The following DNAI1 variants were observed in gnomAD, a reference collection of about 807,000 sequenced individuals.
DNAI1 encodes dynein, axonemal, intermediate polypeptide 1.
A neutral mutation model predicts 92.0 loss-of-function variants in DNAI1; 67 were observed. That is an observed-to-expected ratio of 0.73 (90% CI 0.60 to 0.89). DNAI1 has a LOEUF of 0.89. DNAI1 is among the 40% of genes least tolerant of loss of function. The pLI is 0.00. For synonymous variants in DNAI1, 323 were observed against 319.6 expected (o/e 1.01, Z -0.11); for missense variants, 839 against 866.6 (o/e 0.97, Z 0.40).
intron 1 of DNAI1, among the ~76,000 whole-genome samples, chr9:34,480,147 A>G (rs1824321932): frequency 6.6e-6 from 1 of 152,124 alleles, no homozygotes; most frequent in Non-Finnish European, 1.5e-5. Flanking sequence ...CCTGCAGTGC[A>G]CTAGGCCTGC....
chr9:34,477,980 G>A (rs191518682), intron 1 of DNAI1, among the ~76,000 whole-genome samples: 213 of 139,486 alleles, frequency 1.5e-3, no homozygotes, highest in Non-Finnish European at 2.3e-3. Flanking sequence ...TCTGCCTCCC[G>A]GGTTCAAGTG....
intron 1 of DNAI1, among the ~76,000 whole-genome samples, chr9:34,466,198 T>C (rs1824035542): frequency 6.6e-6 from 1 of 152,228 alleles, no homozygotes; most frequent in Non-Finnish European, 1.5e-5. Flanking sequence ...TTTTCTTTCT[T>C]GGCCTGCAGA....
Position 34,493,179 on chromosome 9 carries a change from C to G in DNAI1, c.682-15C>G, listed in dbSNP as rs199865010. 41 of 1,614,180 alleles carry G rather than the reference C, an allele frequency of 2.5e-5. 1 individual carries two copies. In the African/African-American group the frequency reaches 3.7e-4, roughly 15 times the overall value. On this transcript the variant is annotated splice_polypyrimidine_tract_variant and intron_variant, in intron 8 of 19. Transcript: ENST00000242317. ...TGCACCTTACAATGATCCTTCTTAT[C>G]TCACCCTTGCCTAGTGGGAGATCTA...
At position 34,492,493 on chromosome 9, in the gene DNAI1, G is replaced by GAGAGAGATATAT. The variant is rs1271867592; in HGVS notation, c.682-700_682-699insGAGAGATATATA. Reference sequence around the variant, plus strand: ...TCCGGGGTGGGGGTGGGGATATGAAGATATATATATATATATATATATATA... The same window carrying GAGAGAGATATAT: ...TCCGGGGTGGGGGTGGGGATATGAAGAGAGAGATATATATATATATATATATATATATATATA... On this transcript the variant is annotated intron_variant, in intron 8 of 19. Transcript: ENST00000242317. Among the ~76,000 whole-genome samples, 4 of 68,258 alleles carry GAGAGAGATATAT rather than the reference G, an allele frequency of 5.9e-5. No individual in the cohort carries two copies. In the East Asian group the frequency reaches 1.3e-3, roughly 22 times the overall value. 44.8% of individuals were successfully genotyped at this position (68,258 alleles called of 152,430 possible). A position where few individuals can be genotyped will look rare whatever the true frequency, so the allele number is the denominator to read the frequency against.
At chr9:34,478,569 C>T (rs1460406978) in intron 1 of DNAI1, 1 of 152,240 alleles carries the variant, frequency 6.6e-6, no homozygotes, top group Non-Finnish European at 1.5e-5. Context: ...AGACTCAGTT[C>T]CTGCTCTCAC....
intron 12 of DNAI1, among the ~76,000 whole-genome samples, chr9:34,502,984 T>C (rs1048103103): frequency 6.6e-6 from 1 of 152,140 alleles, no homozygotes; most frequent in African/African-American, 2.4e-5. Flanking sequence ...CGGACAATCA[T>C]TGCTGATTTG....
intron 15 of DNAI1, 45 bp downstream of exon 15, chr9:34,512,469 C>T: frequency 1.9e-6 from 3 of 1,574,050 alleles, no homozygotes; most frequent in Non-Finnish European, 2.6e-6. Flanking sequence ...CCAGGTCATT[C>T]AGGCCCAGTG....
intron 6 of DNAI1, 81 bp downstream of exon 6, chr9:34,490,205 A>T: frequency 1.2e-6 from 2 of 1,612,246 alleles, no homozygotes; most frequent in Non-Finnish European, 8.5e-7. Flanking sequence ...TTGGGAAAGG[A>T]GGAGGGAGAC....
intron 1 of DNAI1, among the ~76,000 whole-genome samples, chr9:34,480,821 C>A (rs1564029923): frequency 6.6e-6 from 1 of 152,172 alleles, no homozygotes; most frequent in Non-Finnish European, 1.5e-5. Context: ...TGGCTCACGC[C>A]TGTAATCCCA....
chr9:34,490,076 G>A lies in DNAI1; in HGVS notation c.453G>A (p.Lys151=), dbSNP rs1365872956. ...TGNLEEDEEP[K]ELETEPGSQT... ...ACCTCGAAGAAGACGAAGAGCCCAA[G>A]GAGTTAGAAACTGAGCCTGGGAGTC... is the stretch of plus-strand genomic sequence containing the variant. Residue 151 remains lysine, a synonymous_variant, in exon 6 of 20, where the codon AAG becomes AAA. Coordinates refer to ENST00000242317, the MANE Select transcript of DNAI1 (RefSeq NM_012144.4). 6.2e-7 allele frequency: 1 copy of A among 1,614,200 alleles called. No homozygotes were observed. Among genetic ancestry groups the A allele is most frequent in the East Asian group, 2.2e-5 (1 of 44,886 alleles).
At chr9:34,502,629 G>A (rs1012575163) in intron 12 of DNAI1, among the ~76,000 whole-genome samples, 1 of 152,140 alleles carries the variant, frequency 6.6e-6, no homozygotes, top group Admixed American at 6.5e-5. Flanking sequence ...TTGGGCAGGA[G>A]CAGTAGAGTA....
Position 34,485,205 on chromosome 9 carries a change from G to A in DNAI1, c.145G>A (p.Val49Ile), listed in dbSNP as rs982352549. ...TDEWAQSKAT[V>I]RPPDQLELTD... is the part of the protein sequence containing the mutation. The stretch of plus-strand genomic sequence containing the variant: ...TGAATGGGCCCAATCCAAAGCCACA[G>A]TTAGACCCCCTGACCAGCTGGAGTT... The change falls in exon 3 of 20, where the codon GTT becomes ATT. Residue 49 changes from valine to isoleucine, a missense_variant. By Grantham distance (29) the Val-to-Ile change is conservative (BLOSUM62 3). Coordinates refer to ENST00000242317, the MANE Select transcript of DNAI1 (RefSeq NM_012144.4). 2.5e-6 allele frequency: 4 copies of A among 1,614,072 alleles called. No homozygotes were observed. Among genetic ancestry groups the A allele is most frequent in the African/African-American group, 1.3e-5 (1 of 74,926 alleles).
chr9:34,472,640 G>A (rs377366016), intron 1 of DNAI1, among the ~76,000 whole-genome samples: 4 of 152,124 alleles, frequency 2.6e-5, no homozygotes, highest in East Asian at 3.8e-4. Flanking sequence ...AGTGGTTCAC[G>A]TCTCTAATCC....
At chr9:34,516,734 C>A (rs1418060276) in intron 18 of DNAI1, among the ~76,000 whole-genome samples, 1 of 125,630 alleles carries the variant, frequency 8.0e-6, no homozygotes, top group Admixed American at 7.5e-5. Flanking sequence ...CTGCTATTTT[C>A]TTTTCTTTTC....
intron 1 of DNAI1, among the ~76,000 whole-genome samples, chr9:34,460,007 C>A (rs939390846): frequency 2.6e-5 from 4 of 152,166 alleles, no homozygotes; most frequent in African/African-American, 9.7e-5. Flanking sequence ...AACACTCTGC[C>A]CCAACTATTT....
intron 1 of DNAI1, among the ~76,000 whole-genome samples, chr9:34,472,304 G>A (rs768973055): frequency 1.3e-5 from 2 of 152,124 alleles, no homozygotes; most frequent in East Asian, 1.9e-4. Flanking sequence ...GGGACTAAAC[G>A]CCTTGCTCAA....
In DNAI1 at chr9:34,501,127, T is replaced by A. The variant is rs751671375; in HGVS notation, c.1020-11T>A. On this transcript the variant is annotated splice_polypyrimidine_tract_variant and intron_variant, in intron 11 of 19. Coordinates refer to ENST00000242317, the MANE Select transcript of DNAI1 (RefSeq NM_012144.4). ...TTTCCTATGCCAATGGATTCATATT[T>A]TTTTTTGCAGGAATCCAAAGTACAG... 1.9e-6 allele frequency: 3 copies of A among 1,612,386 alleles called. No individual in the cohort carries two copies. The Admixed American group carries it at 5.0e-5, about 27-fold the overall frequency.
intron 1 of DNAI1, among the ~76,000 whole-genome samples, chr9:34,482,935 G>A (rs1372178035): frequency 6.6e-6 from 1 of 152,248 alleles, no homozygotes; most frequent in Admixed American, 6.5e-5. Flanking sequence ...GGCCCGGCGA[G>A]AAATCGAGCG....
intron 1 of DNAI1, among the ~76,000 whole-genome samples, chr9:34,460,200 C>T (rs145321378): frequency 1.5e-3 from 236 of 152,302 alleles, no homozygotes; most frequent in Non-Finnish European, 2.6e-3. Flanking sequence ...TCAGCATCAC[C>T]ACGGAAGGCA....
Sources: allele counts gnomAD v4.1 joint callset (sites outside exome capture counted in the v4.1 genomes callset), GRCh38; gene constraint gnomAD v4.1.1; transcripts MANE v1.5; gene names NCBI Gene and HGNC (gene_info 2026-07-23, HGNC 2026-07-21).